Variants in ATP8B4 observed in about 807,000 individuals in gnomAD.
The protein encoded by ATP8B4 is ATPase phospholipid transporting 8B4 (putative), also known as probable phospholipid-transporting ATPase IM.
ATP8B4 carries 133 observed loss-of-function variants against 145.6 expected under a neutral mutation model. That is an observed-to-expected ratio of 0.91 (90% confidence interval 0.79 to 1.05). The LOEUF is 1.05. ATP8B4 is among the 50% of genes least tolerant of loss of function. The probability of loss-of-function intolerance (pLI) is 0.00; values close to 1 mark genes in which losing one functional copy is unlikely to be tolerated. For missense variants in ATP8B4, 1,458 were observed against 1,425.2 expected (o/e 1.02, Z -0.37); for synonymous variants, 507 against 492.9 (o/e 1.03, Z -0.38).
intron 27 of ATP8B4, among the ~76,000 whole-genome samples, chr15:49,861,224 G>T (rs555909381): frequency 2.0e-5 from 3 of 151,980 alleles, no homozygotes; most frequent in African/African-American, 7.3e-5. Context: ...CAAACTTATC[G>T]GACAAACAAG....
At chr15:50,052,906 G>A (rs903538872) in intron 3 of ATP8B4, among the ~76,000 whole-genome samples, 2 of 152,118 alleles carry the variant, frequency 1.3e-5, no homozygotes, top group African/African-American at 2.4e-5. Flanking sequence ...AGTGAAGGGG[G>A]AATTACTGAA....
intron 16 of ATP8B4, among the ~76,000 whole-genome samples, chr15:49,924,754 G>C (rs754985721): frequency 6.6e-6 from 1 of 152,138 alleles, no homozygotes; most frequent in South Asian, 2.1e-4. Flanking sequence ...CCCTTGGTTA[G>C]CTTGCCTAAT....
At chr15:50,090,435 G>A (rs1292686749) in intron 2 of ATP8B4, among the ~76,000 whole-genome samples, 1 of 152,132 alleles carries the variant, frequency 6.6e-6, no homozygotes, top group Non-Finnish European at 1.5e-5. Flanking sequence ...AGGTGATTAG[G>A]TCATGAAGGC....
At position 49,972,638 on chromosome 15, in the gene ATP8B4, G is replaced by A; in HGVS notation, c.1187C>T (p.Thr396Ile). Residue 396 changes from threonine (T) to isoleucine (I), a missense_variant, in exon 13 of 28, where the codon ACC becomes ATC. Transcript: ENST00000284509. ...IEYIFSDKTG[T>I]LTQNIMTFKR... ...AAAGGTCATGATGTTTTGAGTGAGGGTACCCGTTTTGTCGGAGAAAATGTA... is the reference window on the plus strand; with the variant it reads ...AAAGGTCATGATGTTTTGAGTGAGGATACCCGTTTTGTCGGAGAAAATGTA... 1 of 1,613,804 alleles carries A rather than the reference G, an allele frequency of 6.2e-7. No homozygotes were observed. The highest frequency in any genetic ancestry group is 8.5e-7 in the Non-Finnish European group (1 of 1,179,946).
intron 2 of ATP8B4, among the ~76,000 whole-genome samples, chr15:50,083,150 G>C (rs1339512026): frequency 1.3e-5 from 2 of 152,122 alleles, no homozygotes; most frequent in African/African-American, 4.8e-5. Flanking sequence ...CACTTCCCAT[G>C]CTTCATCATC....
At chr15:49,897,269 A>C (rs1258150433) in intron 23 of ATP8B4, 23 bp downstream of exon 23, 2 of 1,567,468 alleles carry the variant, frequency 1.3e-6, no homozygotes, top group East Asian at 2.2e-5. Flanking sequence ...CAAACAAACA[A>C]AAAAAAACAT....
intron 2 of ATP8B4, among the ~76,000 whole-genome samples, chr15:50,078,520 T>C (rs1290492869): frequency 4.7e-5 from 7 of 149,454 alleles, no homozygotes; most frequent in Admixed American, 4.7e-4. Context: ...AAAATATATA[T>C]CAAAATGACA....
intron 19 of ATP8B4, among the ~76,000 whole-genome samples, chr15:49,917,928 T>C (rs2039904073): frequency 1.3e-5 from 2 of 152,234 alleles, no homozygotes; most frequent in East Asian, 1.9e-4. Flanking sequence ...AGAGAGTTTC[T>C]ACCTAGTAAC....
intron 1 of ATP8B4, among the ~76,000 whole-genome samples, chr15:50,146,758 A>T (rs1466334261): frequency 6.6e-6 from 1 of 152,222 alleles, no homozygotes; most frequent in Non-Finnish European, 1.5e-5. Context: ...TAAAAGGGAA[A>T]AAAGGGGAAA....
intron 1 of ATP8B4, among the ~76,000 whole-genome samples, chr15:50,141,894 C>T (rs2044217549): frequency 6.6e-6 from 1 of 152,174 alleles, no homozygotes; most frequent in Non-Finnish European, 1.5e-5. Flanking sequence ...AAAGTCTGCA[C>T]AGCACTGTGA....
At position 50,130,840 on chromosome 15, in the gene ATP8B4, A is replaced by T. The variant is rs1430565520; in HGVS notation, c.-42-23832T>A. Among the ~76,000 whole-genome samples the T allele has an allele frequency of 1.2e-4, 18 of 152,200 alleles. 1 individual carries two copies. Among genetic ancestry groups the T allele is most frequent in the Admixed American group, 1.2e-3 (18 of 15,278 alleles). ...TTGCAATGTCTAAGCAACCCTCCTTAGTCTAACGTTCTATGTTAGTAATTG... is the reference window on the plus strand; with the variant it reads ...TTGCAATGTCTAAGCAACCCTCCTTTGTCTAACGTTCTATGTTAGTAATTG... On this transcript the variant is annotated intron_variant, in intron 1 of 3. Coordinates refer to the ATP8B4 transcript ENST00000558829.
intron 21 of ATP8B4, among the ~76,000 whole-genome samples, chr15:49,899,761 A>G (rs5812499): frequency 0.021 from 3,210 of 152,282 alleles, 113 homozygotes; most frequent in African/African-American, 0.072. Flanking sequence ...GATTAAAAAA[A>G]AAAGAAAGAA....
chr15:49,897,714 T>C (rs1349058763), intron 22 of ATP8B4, among the ~76,000 whole-genome samples, 199 bp from the exon 23 acceptor site: 1 of 152,250 alleles, frequency 6.6e-6, no homozygotes, highest in Non-Finnish European at 1.5e-5. Context: ...AAAAGTTCAG[T>C]GACTTACAGA....
At chr15:49,897,167 T>G (rs2037480973) in intron 23 of ATP8B4, 125 bp downstream of exon 23, 1 of 859,186 alleles carries the variant, frequency 1.2e-6, no homozygotes, top group Non-Finnish European at 1.8e-6. Context: ...TGTAATACTA[T>G]TACTTGAATC....
chr15:49,863,988 T>C (rs2032335266), intron 26 of ATP8B4, among the ~76,000 whole-genome samples: 1 of 152,304 alleles, frequency 6.6e-6, no homozygotes, highest in Non-Finnish European at 1.5e-5. Context: ...AGTGCTCTCT[T>C]AGGACTGGAA....
chr15:50,180,075 T>TA (rs2044822968), intron 1 of ATP8B4, among the ~76,000 whole-genome samples: 1 of 152,166 alleles, frequency 6.6e-6, no homozygotes, highest in Non-Finnish European at 1.5e-5. Context: ...TGAAATTGAT[T>TA]ATACTCTCAC....
At chr15:50,158,265 G>A (rs2044456060) in intron 1 of ATP8B4, among the ~76,000 whole-genome samples, 2 of 151,892 alleles carry the variant, frequency 1.3e-5, no homozygotes, top group South Asian at 4.2e-4. Context: ...AGTCTGGGAA[G>A]TGAGGAGCGC....
intron 2 of ATP8B4, among the ~76,000 whole-genome samples, chr15:50,095,744 C>A (rs2055936045): frequency 7.0e-6 from 1 of 143,710 alleles, no homozygotes; most frequent in Non-Finnish European, 1.5e-5. Context: ...CACAGTGAGA[C>A]CCTGTTTCTA....
At chr15:49,955,422 A>C (rs2043470979) in intron 14 of ATP8B4, among the ~76,000 whole-genome samples, 1 of 152,244 alleles carries the variant, frequency 6.6e-6, no homozygotes, top group African/African-American at 2.4e-5. Flanking sequence ...ATCCTGGTGC[A>C]CTGTTCATAG....
Sources: gnomAD v4.1 joint callset for allele counts (sites outside exome capture counted in the v4.1 genomes callset) on GRCh38, gnomAD v4.1.1 for gene constraint, MANE v1.5 for transcripts, NCBI Gene and HGNC (gene_info 2026-07-23, HGNC 2026-07-21) for gene names.